MLLT3: variants seen among roughly 807,000 people sequenced by gnomAD.
The protein encoded by MLLT3 is MLLT3 super elongation complex subunit.
MLLT3 carries 4 observed loss-of-function variants against 53.2 expected under a neutral mutation model. The ratio of observed to expected loss-of-function variants is 0.08; its 90% CI spans 0.04 to 0.17. The LOEUF (loss-of-function observed/expected upper bound fraction) is 0.17, where lower values mean the gene tolerates loss of function less well. Ranked by LOEUF, MLLT3 falls within the 10% of genes least tolerant of loss-of-function variation. The pLI is 1.00. For missense variants in MLLT3, 569 were observed against 684.0 expected, an observed-to-expected ratio of 0.83 and a Z score of 1.87; for synonymous variants, 283 against 230.6, an observed-to-expected ratio of 1.23 and a Z score of -2.06.
intron 2 of MLLT3, among the ~76,000 whole-genome samples, chr9:20,550,876 G>C (rs1450790093): frequency 6.6e-6 from 1 of 152,142 alleles, no homozygotes; most frequent in East Asian, 1.9e-4. Context: ...TCCCACCTCA[G>C]CTTCCCAAGT....
In MLLT3 at chr9:20,414,292, CT is replaced by C. The variant is rs1563956619; in HGVS notation, c.553del (p.Ser185AlafsTer15). The C allele has an allele frequency of 6.2e-7, 1 of 1,611,104 alleles. No individual in the cohort carries two copies. Among genetic ancestry groups the C allele is most frequent in the Non-Finnish European group, 8.5e-7 (1 of 1,178,924 alleles). ...AAAACTGGTACTACTGCTGCTGCTG[CT>C]GCTGCTACTGCTGCTGCTACTGCTG... ...SSSSSSSSSS[S>X]SSSSSTSFSK... On this transcript the variant is annotated frameshift_variant, in exon 5 of 11. Transcript: ENST00000380338. LOFTEE classifies it high-confidence loss of function.
chr9:20,618,601 T>C (rs981357169), intron 2 of MLLT3, among the ~76,000 whole-genome samples: 1 of 151,930 alleles, frequency 6.6e-6, no homozygotes, highest in African/African-American at 2.4e-5. Context: ...CACAGTTGAG[T>C]ATAAAAATTG....
chr9:20,583,281 T>C (rs960935559), intron 2 of MLLT3, among the ~76,000 whole-genome samples: 2 of 152,194 alleles, frequency 1.3e-5, no homozygotes, highest in Non-Finnish European at 2.9e-5. Flanking sequence ...TCTGCCCCTG[T>C]GGCTTTGCAG....
At chr9:20,545,052 G>C (rs1818749126) in intron 2 of MLLT3, among the ~76,000 whole-genome samples, 2 of 118,098 alleles carry the variant, frequency 1.7e-5, no homozygotes, top group Non-Finnish European at 3.2e-5. Context: ...CCATGATCAC[G>C]CCACTGCAAT....
chr9:20,360,977 C>T, intron 7 of MLLT3, 136 bp from the exon 8 acceptor site: 1 of 706,590 alleles, frequency 1.4e-6, no homozygotes, highest in Non-Finnish European at 2.5e-6. Context: ...GCCGCTAACA[C>T]ATATTGGTGC....
chr9:20,598,811 A>C (rs2383139), intron 2 of MLLT3, among the ~76,000 whole-genome samples: 46,095 of 152,140 alleles, frequency 0.3, 7,521 homozygotes, highest in South Asian at 0.43. Context: ...TGGCAATGCT[A>C]ATCAATTTAA....
At chr9:20,597,569 T>A (rs1020097060) in intron 2 of MLLT3, among the ~76,000 whole-genome samples, 12 of 152,190 alleles carry the variant, frequency 7.9e-5, no homozygotes, top group African/African-American at 2.9e-4. Flanking sequence ...TCATCCCTCC[T>A]TCTTCTTACT....
intron 5 of MLLT3, among the ~76,000 whole-genome samples, chr9:20,387,587 C>A: frequency 6.6e-6 from 1 of 152,302 alleles, no homozygotes; most frequent in Middle Eastern, 3.4e-3. Context: ...GTGTTCTGAC[C>A]TTGTTGTCCA....
intron 2 of MLLT3, among the ~76,000 whole-genome samples, chr9:20,579,382 G>GA (rs921626738): frequency 7.3e-4 from 107 of 146,560 alleles, no homozygotes; most frequent in Admixed American, 1.8e-3. Context: ...CTATTAAAAA[G>GA]AAAAAAAAAT....
intron 2 of MLLT3, among the ~76,000 whole-genome samples, chr9:20,611,325 G>A (rs369097562): frequency 6.6e-6 from 1 of 152,114 alleles, no homozygotes; most frequent in South Asian, 2.1e-4. Context: ...AAAACATTAA[G>A]AGGCAAATTA....
chr9:20,356,568 GA>G (rs889223258), intron 8 of MLLT3, among the ~76,000 whole-genome samples: 15 of 150,514 alleles, frequency 1.0e-4, no homozygotes, highest in Non-Finnish European at 2.1e-4. Context: ...AAGAAAAAAA[GA>G]AAAAAAAAGT....
intron 10 of MLLT3, among the ~76,000 whole-genome samples, chr9:20,349,533 T>TAA (rs11303969): frequency 3.8e-4 from 56 of 147,134 alleles, no homozygotes; most frequent in African/African-American, 1.2e-3. Flanking sequence ...CGGCTTGAAT[T>TAA]AAAAAAAAAA....
At position 20,620,949 on chromosome 9, in the gene MLLT3, G is replaced by A; in HGVS notation, c.13-115C>T. 1 of 1,192,924 alleles carries A rather than the reference G, an allele frequency of 8.4e-7. No homozygotes were observed. Among genetic ancestry groups the A allele is most frequent in the South Asian group, 1.3e-5 (1 of 79,432 alleles). The allele number at this position is 1,192,924 out of a possible 1,614,324, so 73.9% of individuals were successfully genotyped here. On this transcript the variant is annotated intron_variant, in intron 1 of 10. Coordinates refer to ENST00000380338, the MANE Select transcript of MLLT3 (RefSeq NM_004529.4). This position sits in a 1 kb window ranked among gnomAD's most constrained non-coding sequence, Gnocchi z 6.1. ...CTTGAAACGCACATAAAAGGAAACG[G>A]CGGTGCCCTCTGCATCCACGTTTCA...
intron 2 of MLLT3, among the ~76,000 whole-genome samples, chr9:20,588,997 C>T: frequency 6.6e-6 from 1 of 151,362 alleles, no homozygotes; most frequent in Admixed American, 6.6e-5. Context: ...GGACTGTAAA[C>T]TAGTTCAACC....
rs1406182592 is a variant in MLLT3 at position 20,621,005 on chromosome 9, A to G, written c.13-171T>C. ...GTGGGCGCGCACACTCCACACCCCC[A>G]AATATACCCGCCCGCCCGGCCCGGC... On this transcript the variant is annotated intron_variant, in intron 1 of 10. Coordinates refer to ENST00000380338, the MANE Select transcript of MLLT3 (RefSeq NM_004529.4). The surrounding 1 kb of genome is among the most constrained non-coding windows in gnomAD (Gnocchi z 7.0). 2 of 825,562 alleles carry G rather than the reference A, an allele frequency of 2.4e-6. No homozygotes were observed. Among genetic ancestry groups the G allele is most frequent in the South Asian group, 1.4e-5 (1 of 69,128 alleles). 51.1% of individuals were successfully genotyped at this position (825,562 alleles called of 1,614,324 possible). A position where few individuals can be genotyped will look rare whatever the true frequency, so the allele number is the denominator to read the frequency against.
chr9:20,362,202 T>C (rs563699913), intron 7 of MLLT3, among the ~76,000 whole-genome samples: 1 of 152,342 alleles, frequency 6.6e-6, no homozygotes, highest in Admixed American at 6.5e-5. Flanking sequence ...AATGTGTATC[T>C]GTATCAGATG....
At chr9:20,353,926 G>T (rs569770715) in intron 9 of MLLT3, among the ~76,000 whole-genome samples, 2 of 151,178 alleles carry the variant, frequency 1.3e-5, no homozygotes, top group East Asian at 3.9e-4. Context: ...TAAATTGTGA[G>T]TTTAAACATA....
intron 2 of MLLT3, among the ~76,000 whole-genome samples, chr9:20,582,693 G>C (rs980627824): frequency 6.6e-6 from 1 of 152,198 alleles, no homozygotes; most frequent in Admixed American, 6.5e-5. Flanking sequence ...GCAGCAGCAA[G>C]AGAAAAATGA....
At position 20,542,497 on chromosome 9, in the gene MLLT3, G is replaced by A. The variant is rs368988235; in HGVS notation, c.193+78157C>T. 1.1e-4 allele frequency among the ~76,000 whole-genome samples: 17 copies of A among 152,204 alleles called. No individual in the cohort carries two copies. In the South Asian group the frequency reaches 1.7e-3, roughly 15 times the overall value. ...GATCTCCTGACCTCATGATCCACCC[G>A]CCTCGGCCTCCCAAAGTGCTGGGAT... On this transcript the variant is annotated intron_variant, in intron 2 of 10. Coordinates refer to ENST00000380338, the MANE Select transcript of MLLT3 (RefSeq NM_004529.4).
Sources: allele counts gnomAD v4.1 joint callset (sites outside exome capture counted in the v4.1 genomes callset), GRCh38; gene constraint gnomAD v4.1.1; non-coding constraint Gnocchi (gnomAD v3.1); transcripts MANE v1.5; gene names NCBI Gene and HGNC (gene_info 2026-07-23, HGNC 2026-07-21).